The following LUZP1 variants were observed in gnomAD, a reference collection of about 807,000 sequenced individuals.
The protein encoded by LUZP1 is leucine zipper protein 1.
In LUZP1, 25 loss-of-function variants were observed where a neutral mutation model predicts 71.3. The ratio of observed to expected loss-of-function variants is 0.35; its 90% CI spans 0.26 to 0.49. The LOEUF is 0.49. Ranked by LOEUF, LUZP1 falls within the 20% of genes least tolerant of loss-of-function variation. The pLI, the probability that LUZP1 is intolerant of heterozygous loss-of-function variation, is 0.99. For synonymous variants in LUZP1, 481 were observed against 506.4 expected, an observed-to-expected ratio of 0.95 and a Z score of 0.67; for missense variants, 1,142 against 1,300.8, an observed-to-expected ratio of 0.88 and a Z score of 1.88.
At chr1:23,084,594 CAGAT>C (rs957325606) in exon 5 of LUZP1, 3 of 152,258 alleles carry the variant, frequency 2.0e-5, no homozygotes, top group African/African-American at 7.2e-5. Context: ...GACTGACTGA[CAGAT>C]AGATGATAAA....
chr1:23,114,201 G>C (rs1365256289), intron 2 of LUZP1, among the ~76,000 whole-genome samples: 1 of 152,186 alleles, frequency 6.6e-6, no homozygotes, highest in Non-Finnish European at 1.5e-5. Context: ...ATTGGTATCA[G>C]AGAGAAACAG....
chr1:23,090,957 A>G (rs1341031375), intron 4 of LUZP1: 2 of 718,472 alleles, frequency 2.8e-6, no homozygotes, highest in Non-Finnish European at 5.2e-6. Flanking sequence ...CATATACGAG[A>G]GCAAAATGAA....
At chr1:23,087,807 A>G (rs1382422440) in exon 5 of LUZP1, 1 of 152,662 alleles carries the variant, frequency 6.6e-6, no homozygotes, top group African/African-American at 2.4e-5. Context: ...CCTTTCCTCC[A>G]GCGAAGTCAT....
At chr1:23,104,096 C>T (rs1046320417) in intron 3 of LUZP1, among the ~76,000 whole-genome samples, 1 of 151,952 alleles carries the variant, frequency 6.6e-6, no homozygotes, top group African/African-American at 2.4e-5. Flanking sequence ...TGAGGGTGTA[C>T]TGTTTGAGGA....
chr1:23,139,025 T>A (rs1157620057), intron 2 of LUZP1, among the ~76,000 whole-genome samples: 1,679 of 78,118 alleles, frequency 0.021, 19 homozygotes, highest in African/African-American at 0.038. Context: ...AAAAAATATA[T>A]ATATATATAT....
Position 23,093,460 on chromosome 1 carries a change from C to T in LUZP1, c.802G>A (p.Glu268Lys). 1 of 1,613,312 alleles carries T rather than the reference C, an allele frequency of 6.2e-7. No homozygotes were observed. ...TCTGATTTGTTTCTTGTTTCATTCT[C>T]TACCTGCTTTAGGTAGTCCAGACCA... is the stretch of plus-strand genomic sequence containing the variant. The change falls in exon 4 of 5, where the codon GAG becomes AAG. Residue 268 changes from glutamate (E) to lysine (K), a missense_variant. Glu to Lys is a moderately conservative substitution (Grantham distance 56, BLOSUM62 1). Transcript: ENST00000302291. This position sits in a 1 kb window ranked among gnomAD's most constrained non-coding sequence, Gnocchi z 4.2.
chr1:23,105,862 ATT>A (rs887513587), intron 3 of LUZP1, among the ~76,000 whole-genome samples: 4 of 148,738 alleles, frequency 2.7e-5, no homozygotes, highest in African/African-American at 7.4e-5. Flanking sequence ...GCCAGGTAAA[ATT>A]TTTTTTTTTG....
chr1:23,128,451 T>C (rs946612027), intron 2 of LUZP1, among the ~76,000 whole-genome samples: 1 of 152,228 alleles, frequency 6.6e-6, no homozygotes, highest in Non-Finnish European at 1.5e-5. Context: ...TGTTAATGCT[T>C]ATAAAAACAC....
At chr1:23,135,996 G>A (rs1569640410) in intron 2 of LUZP1, among the ~76,000 whole-genome samples, 1 of 152,044 alleles carries the variant, frequency 6.6e-6, no homozygotes, top group South Asian at 2.1e-4. Context: ...AATTCTGCTA[G>A]TACTTAATTA....
At chr1:23,098,840 C>T (rs912021098) in intron 3 of LUZP1, among the ~76,000 whole-genome samples, 35 of 152,288 alleles carry the variant, frequency 2.3e-4, no homozygotes, top group African/African-American at 5.5e-4. Context: ...CTGGAGGAGA[C>T]GCCAAATGCC....
intron 1 of LUZP1, among the ~76,000 whole-genome samples, chr1:23,175,046 A>G (rs1291576439): frequency 6.6e-6 from 1 of 152,176 alleles, no homozygotes; most frequent in Non-Finnish European, 1.5e-5. Context: ...TATAGGGGTC[A>G]TTATTGCTAG....
At position 23,101,588 on chromosome 1, in the gene LUZP1, T is replaced by A. The variant is rs139348901; in HGVS notation, c.-119-7208A>T. Among the ~76,000 whole-genome samples, 175 of 152,316 alleles carry A rather than the reference T, an allele frequency of 1.1e-3. 4 individuals are homozygous for A. The Middle Eastern group carries it at 0.017, about 15-fold the overall frequency. On this transcript the variant is annotated intron_variant, in intron 3 of 4. Transcript: ENST00000302291. Reference sequence around the variant, plus strand: ...AAAGCACTTTGAAAAGTCCTATGCATACCTAAAGTAAGTTTCATCAGGGAA... The same window carrying A: ...AAAGCACTTTGAAAAGTCCTATGCAAACCTAAAGTAAGTTTCATCAGGGAA...
chr1:23,129,513 G>A lies in LUZP1; in HGVS notation c.-225-20386C>T, dbSNP rs1207810156. Reference sequence around the variant, plus strand: ...GGAGAATTGCTTGAACCGGGGAGGCGGAGGTTGCGGTGAACCAAGATCATG... The same window carrying A: ...GGAGAATTGCTTGAACCGGGGAGGCAGAGGTTGCGGTGAACCAAGATCATG... On this transcript the variant is annotated intron_variant, in intron 2 of 4. Coordinates refer to ENST00000302291, the Ensembl canonical transcript of LUZP1. Among the ~76,000 whole-genome samples, 8 of 152,222 alleles carry A rather than the reference G, an allele frequency of 5.3e-5. No individual in the cohort carries two copies. In the East Asian group the frequency reaches 7.7e-4, roughly 15 times the overall value.
At chr1:23,139,587 T>C (rs1244292139) in intron 2 of LUZP1, among the ~76,000 whole-genome samples, 1 of 152,194 alleles carries the variant, frequency 6.6e-6, no homozygotes, top group Non-Finnish European at 1.5e-5. Context: ...CTCCTGCTTA[T>C]GATTTTTGTA....
intron 2 of LUZP1, among the ~76,000 whole-genome samples, chr1:23,117,823 G>C (rs1366362476): frequency 6.6e-6 from 1 of 152,148 alleles, no homozygotes; most frequent in Non-Finnish European, 1.5e-5. Flanking sequence ...TGGGCACAGT[G>C]GCTCACGGCT....
intron 2 of LUZP1, among the ~76,000 whole-genome samples, chr1:23,153,316 C>T (rs377019288): frequency 1.2e-4 from 18 of 152,232 alleles, no homozygotes; most frequent in African/African-American, 4.3e-4. Context: ...GAAAACCATT[C>T]CCTCATCCTT....
chr1:23,146,629 C>G (rs746607270), intron 2 of LUZP1, among the ~76,000 whole-genome samples: 1 of 151,810 alleles, frequency 6.6e-6, no homozygotes, highest in Non-Finnish European at 1.5e-5. Context: ...AAAACCCCAT[C>G]TCTATCAAAA....
chr1:23,147,736 T>C (rs951120045), intron 2 of LUZP1, among the ~76,000 whole-genome samples: 6 of 152,240 alleles, frequency 3.9e-5, no homozygotes, highest in African/African-American at 1.2e-4. Context: ...TATTTCATTT[T>C]TCTTTGCCAT....
chr1:23,116,705 T>G (rs1212402211), intron 2 of LUZP1, among the ~76,000 whole-genome samples: 1 of 152,112 alleles, frequency 6.6e-6, no homozygotes, highest in African/African-American at 2.4e-5. Flanking sequence ...TCAGTTTTGT[T>G]GTTATTTTTG....
Sources: allele counts gnomAD v4.1 joint callset (sites outside exome capture counted in the v4.1 genomes callset), GRCh38; gene constraint gnomAD v4.1.1; non-coding constraint Gnocchi (gnomAD v3.1); transcripts MANE v1.5; gene names NCBI Gene and HGNC (gene_info 2026-07-23, HGNC 2026-07-21).